The following TENT2 variants were observed in gnomAD, a reference collection of about 807,000 sequenced individuals.
The protein encoded by TENT2 is terminal nucleotidyltransferase 2.
TENT2 carries 44 observed loss-of-function variants against 72.2 expected under a neutral mutation model. The ratio of observed to expected loss-of-function variants is 0.61; its 90% CI spans 0.48 to 0.78. The LOEUF is 0.78. Ranked by LOEUF, TENT2 falls within the 30% of genes least tolerant of loss-of-function variation. The pLI is 0.00. For synonymous variants in TENT2, 212 were observed against 192.5 expected, an observed-to-expected ratio of 1.10 and a Z score of -0.84; for missense variants, 541 against 569.6, an observed-to-expected ratio of 0.95 and a Z score of 0.51.
At chr5:79,673,702 T>C (rs1814864140) in intron 12 of TENT2, among the ~76,000 whole-genome samples, 1 of 152,198 alleles carries the variant, frequency 6.6e-6, no homozygotes, top group African/African-American at 2.4e-5. Context: ...CTTTACTGAA[T>C]TTGTTTATCA....
At chr5:79,619,855 G>A (rs1484713379) in intron 2 of TENT2, 70 bp downstream of exon 2, 1 of 1,531,198 alleles carries the variant, frequency 6.5e-7, no homozygotes, top group South Asian at 1.2e-5. Flanking sequence ...AACCCTTTTT[G>A]TATGAAACTT....
intron 10 of TENT2, among the ~76,000 whole-genome samples, chr5:79,650,791 G>A (rs988461713): frequency 1.3e-5 from 2 of 152,116 alleles, no homozygotes; most frequent in Non-Finnish European, 2.9e-5. Context: ...TCTTTGGATA[G>A]GGATTGGAGG....
At chr5:79,629,192 T>C (rs932835481) in intron 4 of TENT2, among the ~76,000 whole-genome samples, 1 of 152,214 alleles carries the variant, frequency 6.6e-6, no homozygotes, top group Admixed American at 6.5e-5. Context: ...TCTACAGTTA[T>C]AGCTCCATGT....
chr5:79,662,478 C>G (rs1803801845), intron 11 of TENT2, among the ~76,000 whole-genome samples: 1 of 152,088 alleles, frequency 6.6e-6, no homozygotes, highest in Admixed American at 6.6e-5. Context: ...AAATGTATGT[C>G]TTAAATAATA....
intron 5 of TENT2, 51 bp from the exon 6 acceptor site, chr5:79,641,054 G>A (rs1784071132): frequency 6.7e-7 from 1 of 1,484,848 alleles, no homozygotes; most frequent in Non-Finnish European, 9.1e-7. Context: ...ACAGAACCAT[G>A]CACCTACTTT....
At position 79,682,027 on chromosome 5, in the gene TENT2, AG is replaced by A; in HGVS notation, c.1347del (p.Lys450AsnfsTer4). On this transcript the variant is annotated frameshift_variant, in exon 14 of 15. Transcript: ENST00000453514. LOFTEE classifies it high-confidence loss of function. ...TNTARAVHEKQKFDMIKDQFL... is the reference protein window; with the variant it reads ...TNTARAVHEKXKFDMIKDQFL... ...ACAGCCAGAGCAGTGCACGAAAAGCAGAAATTTGATATGATCAAGGATCAAT... is the reference window on the plus strand; with the variant it reads ...ACAGCCAGAGCAGTGCACGAAAAGCAAAATTTGATATGATCAAGGATCAAT... 2 of 1,613,752 alleles carry A rather than the reference AG, an allele frequency of 1.2e-6. No individual in the cohort carries two copies. Among genetic ancestry groups the A allele is most frequent in the Non-Finnish European group, 1.7e-6 (2 of 1,179,778 alleles).
chr5:79,651,787 G>T (rs1342240631), intron 10 of TENT2, among the ~76,000 whole-genome samples: 2 of 151,908 alleles, frequency 1.3e-5, no homozygotes, highest in Non-Finnish European at 2.9e-5. Context: ...GCCATTATTT[G>T]ACTAAAGTGT....
chr5:79,678,683 T>A (rs1819266674), intron 12 of TENT2, among the ~76,000 whole-genome samples: 1 of 152,052 alleles, frequency 6.6e-6, no homozygotes, highest in Admixed American at 6.6e-5. Flanking sequence ...TTTCATAGAG[T>A]ATTAATTTTG....
chr5:79,668,779 T>C (rs922227419), intron 11 of TENT2, 113 bp from the exon 12 acceptor site: 4 of 1,283,982 alleles, frequency 3.1e-6, no homozygotes, highest in South Asian at 1.7e-5. Context: ...AATTGCCAAA[T>C]AGAGTAAATT....
intron 12 of TENT2, among the ~76,000 whole-genome samples, chr5:79,678,767 C>T (rs1218210824): frequency 6.6e-6 from 1 of 152,128 alleles, no homozygotes; most frequent in Non-Finnish European, 1.5e-5. Context: ...AAAGATGTAC[C>T]TGAACAAAAA....
rs762319646 is a variant in TENT2 at position 79,642,816 on chromosome 5, ATTTTT to A, written c.673-15_673-11del. ...TAGAAAGATAATGAAAAAACACTTT[ATTTTT>A]AACTTTTCAGTGTTTTTTTCAGGTA... is the stretch of plus-strand genomic sequence containing the variant. On this transcript the variant is annotated splice_polypyrimidine_tract_variant and intron_variant, in intron 6 of 14. Transcript: ENST00000453514. The A allele has an allele frequency of 1.3e-5, 20 of 1,591,796 alleles. No individual in the cohort carries two copies. The highest frequency in any genetic ancestry group is 1.7e-5 in the Non-Finnish European group (20 of 1,165,954).
intron 11 of TENT2, among the ~76,000 whole-genome samples, chr5:79,662,135 C>A (rs1803490082): frequency 6.6e-6 from 1 of 152,170 alleles, no homozygotes; most frequent in African/African-American, 2.4e-5. Flanking sequence ...TTTGCTCATC[C>A]ATAAGAAGCA....
At chr5:79,672,102 C>CAA (rs35764855) in intron 12 of TENT2, among the ~76,000 whole-genome samples, 58 of 143,392 alleles carry the variant, frequency 4.0e-4, no homozygotes, top group East Asian at 1.8e-3. Context: ...GACCCTGTCT[C>CAA]AAAAAAAAAA....
chr5:79,650,012 A>G (rs7732613), intron 10 of TENT2, among the ~76,000 whole-genome samples: 30,835 of 152,014 alleles, frequency 0.2, 4,618 homozygotes, highest in African/African-American at 0.42. Flanking sequence ...GATGTTTAAT[A>G]ACTAACCAAC....
rs533048038 is a variant in TENT2, at chr5:79,681,946, A to G, written c.1301-36A>G. The G allele has an allele frequency of 5.8e-6, 9 of 1,545,986 alleles. No homozygotes were observed. In the African/African-American group the frequency reaches 8.2e-5, roughly 14 times the overall value. ...AAAAGAAACTGTAGCTCTCATTTTAATAATTTTTCCTTTACATTTGCATTT... is the reference window on the plus strand; with the variant it reads ...AAAAGAAACTGTAGCTCTCATTTTAGTAATTTTTCCTTTACATTTGCATTT... On this transcript the variant is annotated intron_variant, in intron 13 of 14. Transcript: ENST00000453514.
rs568989719 is a variant in TENT2, at chr5:79,664,075, CTA to C, written c.1072-4816_1072-4815del. 2.0e-5 allele frequency among the ~76,000 whole-genome samples: 3 copies of C among 152,014 alleles called. No homozygotes were observed. The South Asian group carries it at 6.2e-4, about 32-fold the overall frequency. On this transcript the variant is annotated intron_variant, in intron 11 of 14. Coordinates refer to ENST00000453514, the MANE Select transcript of TENT2 (RefSeq NM_001114394.3). ...TGTTGTATTAGGTATTGTAAGTAAT[CTA>C]GAGATGATTTAAAGTATATGAGAAG...
At chr5:79,630,554 G>A (rs999243130) in intron 4 of TENT2, among the ~76,000 whole-genome samples, 3 of 152,276 alleles carry the variant, frequency 2.0e-5, no homozygotes, top group Admixed American at 1.3e-4. Context: ...TCTAGCCTGG[G>A]CGACAGAGTG....
intron 11 of TENT2, among the ~76,000 whole-genome samples, chr5:79,664,868 C>T (rs191358096): frequency 6.6e-5 from 10 of 152,016 alleles, no homozygotes; most frequent in African/African-American, 1.9e-4. Context: ...AGCTGAGGAA[C>T]GCTAAGTAAC....
intron 12 of TENT2, among the ~76,000 whole-genome samples, chr5:79,675,195 G>A (rs1026211392): frequency 6.6e-6 from 1 of 152,154 alleles, no homozygotes. Context: ...CCAGAGAAAG[G>A]TATAGTAAAT....
Sources: gnomAD v4.1 joint callset for allele counts (sites outside exome capture counted in the v4.1 genomes callset) on GRCh38, gnomAD v4.1.1 for gene constraint, MANE v1.5 for transcripts, NCBI Gene and HGNC (gene_info 2026-07-23, HGNC 2026-07-21) for gene names.